Variants in TFAP2E observed in about 807,000 individuals in gnomAD.
TFAP2E encodes transcription factor AP-2-epsilon.
TFAP2E carries 30 observed loss-of-function variants against 37.9 expected under a neutral mutation model. The ratio of observed to expected loss-of-function variants is 0.79; its 90% CI spans 0.59 to 1.07. The LOEUF (loss-of-function observed/expected upper bound fraction) is 1.07. Among genes scored for constraint, TFAP2E ranks in the 50% least tolerant of loss-of-function variants. The probability of loss-of-function intolerance (pLI) is 0.00; values close to 1 mark genes in which losing one functional copy is unlikely to be tolerated. For synonymous variants in TFAP2E, 318 were observed against 295.8 expected (o/e 1.08, Z -0.77); for missense variants, 567 against 637.9 (o/e 0.89, Z 1.20).
chr1:35,586,015 C>T (rs1407919449), intron 3 of TFAP2E, among the ~76,000 whole-genome samples: 1 of 151,656 alleles, frequency 6.6e-6, no homozygotes, highest in Non-Finnish European at 1.5e-5. Context: ...TACCACTGTA[C>T]TCCAGCCTGG....
chr1:35,575,072 C>A, intron 3 of TFAP2E, 72 bp downstream of exon 3: 1 of 1,591,100 alleles, frequency 6.3e-7, no homozygotes, highest in Non-Finnish European at 8.6e-7. Flanking sequence ...CCATTTTCTT[C>A]ACCGGCCGTG....
In TFAP2E at chr1:35,577,197, T is replaced by G; in HGVS notation, c.562+2197T>G. The G allele has an allele frequency of 2.8e-6, 1 of 355,560 alleles. No homozygotes were observed. 22.0% of individuals were successfully genotyped at this position (355,560 alleles called of 1,614,324 possible). A position where few individuals can be genotyped will look rare whatever the true frequency, so the allele number is the denominator to read the frequency against. ...AGCCGGGCACAGTTGGATCCGGAGG[T>G]CGTGACCCAGGGGAAAGCGTGGGCG... On this transcript the variant is annotated intron_variant, in intron 3 of 6. Transcript: ENST00000373235. This position sits in a 1 kb window ranked among gnomAD's most constrained non-coding sequence, Gnocchi z 6.3.
chr1:35,587,227 T>C (rs1223269676), intron 3 of TFAP2E, among the ~76,000 whole-genome samples: 2 of 152,226 alleles, frequency 1.3e-5, no homozygotes, highest in Non-Finnish European at 2.9e-5. Flanking sequence ...AGGGTTCCGC[T>C]AAAGAAGCAA....
In TFAP2E at chr1:35,588,394, C is replaced by T. The variant is rs115539103; in HGVS notation, c.627C>T (p.Gly209=). 1.1e-3 allele frequency: 1,825 copies of T among 1,613,356 alleles called. 7 individuals carry two copies. In the African/African-American group the frequency reaches 0.018, roughly 16 times the overall value. ...ALSLAKDSLV[G]GITNPGEVFC... is the part of the protein sequence containing the mutation. Reference sequence around the variant, plus strand: ...CCTTGGCCAAAGACAGCCTGGTGGGCGGCATCACAAATCCTGGTGAGGTCT... The same window carrying T: ...CCTTGGCCAAAGACAGCCTGGTGGGTGGCATCACAAATCCTGGTGAGGTCT... Residue 209 remains glycine (G), a synonymous_variant, in exon 4 of 7, where the codon GGC becomes GGT. Coordinates refer to ENST00000373235, the MANE Select transcript of TFAP2E (RefSeq NM_178548.4). This position sits in a 1 kb window ranked among gnomAD's most constrained non-coding sequence, Gnocchi z 5.1.
Position 35,594,457 on chromosome 1 carries a change from C to T in TFAP2E, c.1110C>T (p.Arg370=). ...AQDRSPLGNS[R]PALILEPGVQ... ...ACCGCTCACCGCTGGGCAACAGCCG[C>T]CCAGCACTCATCCTGGAGCCCGGAG... The change falls in exon 7 of 7, where the codon CGC becomes CGT. Residue 370 remains arginine, a synonymous_variant. Coordinates refer to ENST00000373235, the MANE Select transcript of TFAP2E (RefSeq NM_178548.4). 2 of 1,614,174 alleles carry T rather than the reference C, an allele frequency of 1.2e-6. No homozygotes were observed. The highest frequency in any genetic ancestry group is 1.7e-6 in the Non-Finnish European group (2 of 1,180,034).
intron 3 of TFAP2E, among the ~76,000 whole-genome samples, chr1:35,587,090 G>A (rs1226301422): frequency 2.6e-5 from 4 of 152,124 alleles, no homozygotes; most frequent in Admixed American, 6.5e-5. Flanking sequence ...GTTTATATAC[G>A]GGAGCACACA....
chr1:35,591,078 A>G (rs560419023), intron 6 of TFAP2E, among the ~76,000 whole-genome samples: 1 of 152,302 alleles, frequency 6.6e-6, no homozygotes, highest in African/African-American at 2.4e-5. Context: ...GTGGCACCAC[A>G]CATGGGCACA....
At chr1:35,591,271 G>T (rs1649665397) in intron 6 of TFAP2E, among the ~76,000 whole-genome samples, 1 of 152,114 alleles carries the variant, frequency 6.6e-6, no homozygotes, top group Non-Finnish European at 1.5e-5. Flanking sequence ...CCTGCATCAG[G>T]AACAGTGATG....
chr1:35,574,360 C>T lies in TFAP2E; in HGVS notation c.461C>T (p.Pro154Leu). 6.9e-7 allele frequency: 1 copy of T among 1,448,476 alleles called. No homozygotes were observed. The highest frequency in any genetic ancestry group is 9.0e-7 in the Non-Finnish European group (1 of 1,113,826). 89.7% of individuals were successfully genotyped at this position (1,448,476 alleles called of 1,614,324 possible). Residue 154 changes from proline to leucine, a missense_variant, in exon 2 of 7, where the codon CCT becomes CTT. Pro to Leu is a moderately conservative substitution (Grantham distance 98). This residue lies in a region of TFAP2E where 312 missense variants were observed against 317.4 expected (regional missense o/e 0.98). Coordinates refer to ENST00000373235, the MANE Select transcript of TFAP2E (RefSeq NM_178548.4). ...GGCGCGCACGGCCTGGCAGACGCACCTCTCGGCCTTCCGGGGCTGGCGGCG... is the reference window on the plus strand; with the variant it reads ...GGCGCGCACGGCCTGGCAGACGCACTTCTCGGCCTTCCGGGGCTGGCGGCG... ...ADGAHGLADA[P>L]LGLPGLAAAP...
Position 35,574,268 on chromosome 1 carries a change from C to T in TFAP2E, c.369C>T (p.Ala123=), listed in dbSNP as rs1038883428. The part of the protein sequence containing the change: ...PPGLLAPPAR[A]LGLDPRRDYA... ...GCCTGCTGGCACCGCCCGCCCGCGC[C>T]CTGGGCCTTGACCCGCGCCGTGACT... Residue 123 remains alanine (A), a synonymous_variant, in exon 2 of 7, where the codon GCC becomes GCT. Transcript: ENST00000373235. The T allele has an allele frequency of 1.5e-5, 21 of 1,383,910 alleles. No homozygotes were observed. The highest frequency in any genetic ancestry group is 1.9e-5 in the Non-Finnish European group (20 of 1,066,816). 85.7% of individuals were successfully genotyped at this position (1,383,910 alleles called of 1,614,324 possible). A position where few individuals can be genotyped will look rare whatever the true frequency, so the allele number is the denominator to read the frequency against.
At position 35,588,693 on chromosome 1, in the gene TFAP2E, A is replaced by T; in HGVS notation, c.785+141A>T. 1 of 896,708 alleles carries T rather than the reference A, an allele frequency of 1.1e-6. No homozygotes were observed. 55.5% of individuals were successfully genotyped at this position (896,708 alleles called of 1,614,324 possible). On this transcript the variant is annotated intron_variant, in intron 4 of 6. Transcript: ENST00000373235. The surrounding 1 kb of genome is among the most constrained non-coding windows in gnomAD (Gnocchi z 5.1). ...GGAGGGGAGGCCCCGGGGACTCTGG[A>T]TTGTGCATGTTGTGGGGGCCGGCCC...
At chr1:35,593,134 CAGG>C (rs1029580984) in intron 6 of TFAP2E, among the ~76,000 whole-genome samples, 20 of 152,082 alleles carry the variant, frequency 1.3e-4, no homozygotes, top group Admixed American at 1.2e-3. Flanking sequence ...CGCTTGAGCC[CAGG>C]AGTTCAAGGC....
chr1:35,581,822 T>C (rs1046553775), intron 3 of TFAP2E, among the ~76,000 whole-genome samples: 1 of 152,128 alleles, frequency 6.6e-6, no homozygotes, highest in African/African-American at 2.4e-5. Context: ...TCCACCCGCC[T>C]TGGCCTCCCA....
chr1:35,574,771 G>A (rs962097297), intron 2 of TFAP2E, 178 bp from the exon 3 acceptor site: 22 of 793,550 alleles, frequency 2.8e-5, no homozygotes, highest in Non-Finnish European at 3.4e-5. Flanking sequence ...ACAGTGAGAT[G>A]CCCAGGGCTC....
Position 35,588,417 on chromosome 1 carries a change from T to C in TFAP2E, c.650T>C (p.Val217Ala), listed in dbSNP as rs1649551557. The part of the protein sequence containing the change: ...LVGGITNPGE[V>A]FCSVPGRLSL... ...GGCGGCATCACAAATCCTGGTGAGG[T>C]CTTCTGCTCCGTGCCCGGCCGGCTT... Residue 217 changes from valine to alanine, a missense_variant, in exon 4 of 7, where the codon GTC becomes GCC. Physicochemically the swap from Val to Ala is moderately conservative, Grantham distance 64. Coordinates refer to ENST00000373235, the MANE Select transcript of TFAP2E (RefSeq NM_178548.4). The surrounding 1 kb of genome is among the most constrained non-coding windows in gnomAD (Gnocchi z 5.1). The C allele has an allele frequency of 6.2e-7, 1 of 1,612,518 alleles. No individual in the cohort carries two copies. The highest frequency in any genetic ancestry group is 8.5e-7 in the Non-Finnish European group (1 of 1,179,952).
At chr1:35,579,450 T>C (rs186327623) in intron 3 of TFAP2E, among the ~76,000 whole-genome samples, 8 of 151,756 alleles carry the variant, frequency 5.3e-5, no homozygotes, top group Admixed American at 3.9e-4. Flanking sequence ...CTCGCCCAGG[T>C]TGGGGTGCAG....
At chr1:35,594,193 CTG>C (rs1011202578) in intron 6 of TFAP2E, among the ~76,000 whole-genome samples, 199 bp from the exon 7 acceptor site, 3 of 152,184 alleles carry the variant, frequency 2.0e-5, no homozygotes, top group African/African-American at 7.2e-5. Flanking sequence ...TGTTTATTAG[CTG>C]TGTGATACTG....
chr1:35,587,636 C>CAAAAAA (rs553131997), intron 3 of TFAP2E, among the ~76,000 whole-genome samples: 24 of 51,318 alleles, frequency 4.7e-4, no homozygotes, highest in African/African-American at 1.3e-3. Context: ...GACTCCATCT[C>CAAAAAA]AAAAAAAAAA....
In TFAP2E at chr1:35,594,478, C is replaced by G. The variant is rs375608944; in HGVS notation, c.1131C>G (p.Pro377=). 1.6e-5 allele frequency: 26 copies of G among 1,614,040 alleles called. No individual in the cohort carries two copies. The highest frequency in any genetic ancestry group is 1.9e-5 in the Non-Finnish European group (23 of 1,180,054). The stretch of plus-strand genomic sequence containing the variant: ...GCCGCCCAGCACTCATCCTGGAGCC[C>G]GGAGTACAGAGCTGCTTGACACACT... The part of the protein sequence containing the change: ...GNSRPALILE[P]GVQSCLTHFS... Residue 377 remains proline (P), a synonymous_variant, in exon 7 of 7, where the codon CCC becomes CCG. Transcript: ENST00000373235.
Sources: allele counts gnomAD v4.1 joint callset (sites outside exome capture counted in the v4.1 genomes callset), GRCh38; gene constraint gnomAD v4.1.1; regional missense constraint gnomAD v4.1.1; non-coding constraint Gnocchi (gnomAD v3.1); transcripts MANE v1.5; gene names NCBI Gene and HGNC (gene_info 2026-07-23, HGNC 2026-07-21).